Variants in LOC122539214 observed in about 807,000 individuals in gnomAD.
At chr19:52,669,806 G>C in the LOC122539214 span, among the ~76,000 whole-genome samples, 1 of 152,092 alleles carries the variant, frequency 6.6e-6, no homozygotes, top group African/African-American at 2.4e-5. Flanking sequence ...TCCGTGGGTT[G>C]GTGCAGAGGC....
chr19:52,673,095 G>T, the LOC122539214 span, among the ~76,000 whole-genome samples: 1 of 152,140 alleles, frequency 6.6e-6, no homozygotes, highest in Non-Finnish European at 1.5e-5. Context: ...TGTAATCCCA[G>T]CTACTCAGGA....
the LOC122539214 span, chr19:52,653,164 T>C: frequency 6.7e-7 from 1 of 1,490,508 alleles, no homozygotes; most frequent in South Asian, 1.1e-5. Flanking sequence ...TTCTCCGGTA[T>C]GAAGTCTACG....
At chr19:52,655,986 G>A in the LOC122539214 span, among the ~76,000 whole-genome samples, 2 of 152,116 alleles carry the variant, frequency 1.3e-5, no homozygotes, top group Non-Finnish European at 2.9e-5. Context: ...TGAGGTGGGT[G>A]TATCAACTGA....
At chr19:52,656,483 G>A in the LOC122539214 span, among the ~76,000 whole-genome samples, 1 of 152,046 alleles carries the variant, frequency 6.6e-6, no homozygotes, top group African/African-American at 2.4e-5. Flanking sequence ...TGAGATGACA[G>A]CACTGCACTC....
the LOC122539214 span, among the ~76,000 whole-genome samples, chr19:52,681,949 G>A: frequency 2.0e-5 from 3 of 152,148 alleles, no homozygotes; most frequent in Non-Finnish European, 2.9e-5. Flanking sequence ...CCAGGTCTAA[G>A]CAATTCTCCT....
the LOC122539214 span, among the ~76,000 whole-genome samples, chr19:52,685,323 C>G: frequency 6.6e-6 from 1 of 152,092 alleles, no homozygotes; most frequent in East Asian, 1.9e-4. Context: ...GAAGGTGTGT[C>G]TGAATTCTTA....
At chr19:52,662,031 A>T in the LOC122539214 span, among the ~76,000 whole-genome samples, 2 of 151,158 alleles carry the variant, frequency 1.3e-5, no homozygotes, top group African/African-American at 4.8e-5. Flanking sequence ...GGACACAGGC[A>T]GGAGATGAGA....
the LOC122539214 span, among the ~76,000 whole-genome samples, chr19:52,676,139 C>T: frequency 1.3e-3 from 200 of 152,302 alleles, no homozygotes; most frequent in Non-Finnish European, 2.5e-3. Flanking sequence ...CGCCGCCACG[C>T]CTGACTGGTT....
At chr19:52,666,163 C>CAAAA in the LOC122539214 span, among the ~76,000 whole-genome samples, 1 of 102,376 alleles carries the variant, frequency 9.8e-6, no homozygotes, top group Non-Finnish European at 1.9e-5. Flanking sequence ...GACTCCATCT[C>CAAAA]AAAAAAAAAA....
chr19:52,689,768 C>T, the LOC122539214 span, among the ~76,000 whole-genome samples: 6 of 151,836 alleles, frequency 4.0e-5, no homozygotes, highest in Admixed American at 1.3e-4. Flanking sequence ...GTCTCCTGAT[C>T]CCTTTGGCCC....
the LOC122539214 span, among the ~76,000 whole-genome samples, chr19:52,676,678 A>T: frequency 7.3e-6 from 1 of 137,080 alleles, no homozygotes; most frequent in Admixed American, 7.2e-5. Context: ...GCTTTGTGGA[A>T]TAGAAAGCGG....
chr19:52,677,190 A>G, the LOC122539214 span, among the ~76,000 whole-genome samples: 2 of 151,844 alleles, frequency 1.3e-5, no homozygotes, highest in South Asian at 4.2e-4. Flanking sequence ...ACAAAAACAA[A>G]AACAAAACAA....
chr19:52,661,486 C>T, the LOC122539214 span, among the ~76,000 whole-genome samples: 1 of 152,194 alleles, frequency 6.6e-6, no homozygotes, highest in African/African-American at 2.4e-5. Context: ...ATGGGGGAAA[C>T]TGCCTTGATG....
chr19:52,686,968 G>C, the LOC122539214 span, among the ~76,000 whole-genome samples: 3 of 151,902 alleles, frequency 2.0e-5, no homozygotes, highest in African/African-American at 7.2e-5. Flanking sequence ...GATCACCTGA[G>C]GTCAGGAGTT....
the LOC122539214 span, among the ~76,000 whole-genome samples, chr19:52,663,733 T>A: frequency 6.6e-6 from 1 of 152,112 alleles, no homozygotes. Flanking sequence ...ACAATAAATT[T>A]CAGAGAAAAA....
the LOC122539214 span, chr19:52,654,292 A>C: frequency 2.0e-6 from 3 of 1,532,528 alleles, no homozygotes; most frequent in Non-Finnish European, 2.7e-6. Context: ...TGGGAAGCAA[A>C]AATCTCCAAT....
the LOC122539214 span, chr19:52,655,656 T>G: frequency 2.2e-6 from 3 of 1,335,746 alleles, no homozygotes; most frequent in African/African-American, 2.9e-5. Context: ...CAAAGAGAAT[T>G]CTATAGCCAC....
chr19:52,666,215 G>C, the LOC122539214 span, among the ~76,000 whole-genome samples: 1 of 150,926 alleles, frequency 6.6e-6, no homozygotes, highest in Non-Finnish European at 1.5e-5. Context: ...GAGAGAAAGA[G>C]ACAGAGAGAC....
At chr19:52,651,832 G>A in the LOC122539214 span, 1 of 156,068 alleles carries the variant, frequency 6.4e-6, no homozygotes, top group African/African-American at 2.4e-5. Context: ...GCCTCCCAAA[G>A]TGCTGGGATT....
Sources: gnomAD v4.1 joint callset for allele counts (sites outside exome capture counted in the v4.1 genomes callset) on GRCh38, gnomAD v4.1.1 for gene constraint, MANE v1.5 for transcripts.